POMT2: variants seen among roughly 807,000 people sequenced by gnomAD.
The protein encoded by POMT2 is protein O-mannosyl-transferase 2.
POMT2 carries 75 observed loss-of-function variants against 100.0 expected under a neutral mutation model. The ratio of observed to expected loss-of-function variants is 0.75; its 90% confidence interval spans 0.62 to 0.91. The LOEUF (loss-of-function observed/expected upper bound fraction) is 0.91. POMT2 is among the 40% of genes least tolerant of loss of function. POMT2 has a pLI of 0.00. For synonymous variants in POMT2, 378 were observed against 374.1 expected (o/e 1.01, Z -0.12); for missense variants, 940 against 955.1 (o/e 0.98, Z 0.21).
chr14:77,289,784 C>T (rs1462927717), intron 10 of POMT2, among the ~76,000 whole-genome samples: 1 of 152,158 alleles, frequency 6.6e-6, no homozygotes, highest in Non-Finnish European at 1.5e-5. Context: ...ATCTCAAAAT[C>T]AAGACCAATC....
chr14:77,299,699 T>G, intron 6 of POMT2, 138 bp from the exon 7 acceptor site: 1 of 673,016 alleles, frequency 1.5e-6, no homozygotes. Flanking sequence ...GAAGAATATG[T>G]GGAAACCCTA....
intron 1 of POMT2, among the ~76,000 whole-genome samples, chr14:77,317,445 G>A (rs1049190699): frequency 1.6e-4 from 25 of 152,162 alleles, no homozygotes; most frequent in South Asian, 1.5e-3. Context: ...TCTTTTTGTC[G>A]CAATGGCCAC....
intron 11 of POMT2, among the ~76,000 whole-genome samples, chr14:77,288,170 C>T (rs1267217477): frequency 3.3e-5 from 5 of 152,262 alleles, no homozygotes; most frequent in African/African-American, 1.2e-4. Context: ...GCTTCAGTGT[C>T]TCACTTATTT....
At chr14:77,302,643 G>C (rs144550284) in intron 5 of POMT2, among the ~76,000 whole-genome samples, 192 bp downstream of exon 5, 3 of 152,224 alleles carry the variant, frequency 2.0e-5, no homozygotes, top group African/African-American at 7.2e-5. Context: ...ATCACCTGTA[G>C]AAAACTTTTT....
intron 15 of POMT2, among the ~76,000 whole-genome samples, chr14:77,282,220 C>CT (rs1446940042): frequency 2.0e-5 from 3 of 152,234 alleles, no homozygotes; most frequent in African/African-American, 7.2e-5. Flanking sequence ...ACATTAAACT[C>CT]TGAGAAATCC....
At position 77,275,385 on chromosome 14, in the gene POMT2, C is replaced by T. The variant is rs973393774; in HGVS notation, c.*1991G>A. 6.6e-6 allele frequency: 1 copy of T among 152,292 alleles called. No individual in the cohort carries two copies. Among genetic ancestry groups the T allele is most frequent in the Admixed American group, 6.5e-5 (1 of 15,280 alleles). 9.4% of individuals were successfully genotyped at this position (152,292 alleles called of 1,614,324 possible). On this transcript the variant is annotated 3_prime_UTR_variant, in exon 21 of 21. Transcript: ENST00000261534. ...ATGGGTAGAGGCTGGCTGGGCTTCT[C>T]CTTCCTCACCCTCATGCAAGGTGGC... is the stretch of plus-strand genomic sequence containing the variant.
In POMT2 at chr14:77,320,789, A is replaced by T. The variant is rs1891867477; in HGVS notation, c.-108T>A. On this transcript the variant is annotated 5_prime_UTR_variant, in exon 1 of 21. The change creates a new upstream start codon in the 5' untranslated region. Transcript: ENST00000261534. ...AGCTCGGGGTACCCCGGGAAATGCA[A>T]CGCCCTTCACTGCAGCGGAGCGCGG... 7.5e-6 allele frequency: 11 copies of T among 1,466,212 alleles called. No homozygotes were observed. The highest frequency in any genetic ancestry group is 2.7e-5 in the South Asian group (2 of 73,110). 90.8% of individuals were successfully genotyped at this position (1,466,212 alleles called of 1,614,324 possible).
At chr14:77,318,735 AT>A (rs10643583) in intron 1 of POMT2, among the ~76,000 whole-genome samples, 10,262 of 140,054 alleles carry the variant, frequency 0.073, 668 homozygotes, top group African/African-American at 0.19. Flanking sequence ...ATGGTAGTTA[AT>A]TTTTTTTTTT....
chr14:77,278,317 G>A, intron 20 of POMT2, 77 bp downstream of exon 20: 2 of 1,196,292 alleles, frequency 1.7e-6, no homozygotes. Context: ...AGCACCGCAG[G>A]GGATTCTCGA....
rs773179548 is a variant in POMT2 at position 77,283,870 on chromosome 14, G to A, written c.1580C>T (p.Pro527Leu). The change falls in exon 15 of 21, where the codon CCA becomes CTA. Residue 527 changes from proline to leucine, a missense_variant. By Grantham distance (98) the Pro-to-Leu change is moderately conservative. Transcript: ENST00000261534. ...CTGTAGCACATCCAGGCTGATGTTTGGCACTAGGGGAAAAAAATGCAGGAG... is the reference window on the plus strand; with the variant it reads ...CTGTAGCACATCCAGGCTGATGTTTAGCACTAGGGGAAAAAAATGCAGGAG... ...NVEDHINPKL[P>L]NISLDVLQPS... 1.2e-6 allele frequency: 2 copies of A among 1,609,734 alleles called. No homozygotes were observed. Among genetic ancestry groups the A allele is most frequent in the South Asian group, 2.2e-5 (2 of 91,008 alleles).
chr14:77,300,855 G>A, intron 6 of POMT2: 2 of 536,054 alleles, frequency 3.7e-6, no homozygotes, highest in East Asian at 3.8e-5. Flanking sequence ...TAAAACAAAT[G>A]CAAAAAGAGA....
Position 77,312,008 on chromosome 14 carries a change from T to C in POMT2, c.274A>G (p.Met92Val). 1 of 1,613,952 alleles carries C rather than the reference T, an allele frequency of 6.2e-7. No individual in the cohort carries two copies. The highest frequency in any genetic ancestry group is 8.5e-7 in the Non-Finnish European group (1 of 1,179,948). The change falls in exon 2 of 21, where the codon ATG (methionine) becomes GTG (valine). Residue 92 changes from methionine to valine, a missense_variant. Physicochemically the swap from Met to Val is conservative, Grantham distance 21 (BLOSUM62 1). Transcript: ENST00000261534. ...GTACGGTTGATATAGTAACTTCCCA[T>C]TTTTCCAAAGTGAGTCTCATCCCAA... ...ICWDETHFGK[M>V]GSYYINRTFF...
intron 17 of POMT2, 33 bp from the exon 18 acceptor site, chr14:77,279,961 G>A (rs763635486): frequency 3.7e-6 from 6 of 1,614,028 alleles, no homozygotes; most frequent in East Asian, 2.2e-5. Flanking sequence ...AGATGAGAAC[G>A]CAGCCGCTCT....
rs267606971 is a variant in POMT2 at position 77,302,940 on chromosome 14, G to A, written c.551C>T (p.Thr184Met). The A allele has an allele frequency of 5.6e-6, 9 of 1,610,418 alleles. No individual in the cohort carries two copies. The highest frequency in any genetic ancestry group is 1.7e-5 in the Admixed American group (1 of 59,876). The change falls in exon 5 of 21, where the codon ACG becomes ATG. Residue 184 changes from threonine (T) to methionine (M), a missense_variant. Physicochemically the swap from Thr to Met is moderately conservative, Grantham distance 81. Transcript: ENST00000261534. ...GTACTGGGACAGAGTGAGGCATCCC[G>A]TGTCTGAAAAACATGAGCTCGCTGG... is the stretch of plus-strand genomic sequence containing the variant. ...LLTAALLTFD[T>M]GCLTLSQYIL...
chr14:77,291,963 G>A (rs1003769759), intron 9 of POMT2, among the ~76,000 whole-genome samples: 7 of 152,276 alleles, frequency 4.6e-5, no homozygotes, highest in Middle Eastern at 3.4e-3. Context: ...CTAGGAGGCA[G>A]AGGTTGCAGT....
In POMT2 at chr14:77,299,574, G is replaced by T; in HGVS notation, c.817-13C>A. 6.2e-7 allele frequency: 1 copy of T among 1,608,664 alleles called. No homozygotes were observed. Among genetic ancestry groups the T allele is most frequent in the Non-Finnish European group, 8.5e-7 (1 of 1,175,088 alleles). On this transcript the variant is annotated splice_polypyrimidine_tract_variant and intron_variant, in intron 6 of 20. Transcript: ENST00000261534. ...TTCCCACAGTCACCTGCAAACAGAG[G>T]CCAGCGTGGGGTGCTAGGCATGTGA...
At chr14:77,296,540 A>G (rs950859522) in intron 8 of POMT2, 4 of 480,622 alleles carry the variant, frequency 8.3e-6, no homozygotes, top group African/African-American at 5.8e-5. Context: ...GTGTAACAGC[A>G]AAAGACGAAA....
In POMT2 at chr14:77,286,804, G is replaced by A. The variant is rs1328987547; in HGVS notation, c.1272C>T (p.His424=). Reference sequence around the variant, plus strand: ...TCATGGGGGCCTCATGATAGTGACTGTGCAAGTTCCGGGAAGTTCTAGAAG... The same window carrying A: ...TCATGGGGGCCTCATGATAGTGACTATGCAAGTTCCGGGAAGTTCTAGAAG... ...LEHKETSRNL[H]SHYHEAPMTR... Residue 424 remains histidine, a synonymous_variant, in exon 12 of 21, where the codon CAC becomes CAT. Coordinates refer to ENST00000261534, the MANE Select transcript of POMT2 (RefSeq NM_013382.7). 7.4e-6 allele frequency: 12 copies of A among 1,614,198 alleles called. No individual in the cohort carries two copies. Among genetic ancestry groups the A allele is most frequent in the Admixed American group, 1.7e-5 (1 of 60,030 alleles).
At chr14:77,282,630 TC>T (rs373077956) in intron 15 of POMT2, among the ~76,000 whole-genome samples, 62 of 152,278 alleles carry the variant, frequency 4.1e-4, no homozygotes, top group African/African-American at 1.4e-3. Flanking sequence ...AGCTATGTCA[TC>T]AGGCCACAGT....
Sources: allele counts gnomAD v4.1 joint callset (sites outside exome capture counted in the v4.1 genomes callset), GRCh38; gene constraint gnomAD v4.1.1; transcripts MANE v1.5; gene names NCBI Gene and HGNC (gene_info 2026-07-23, HGNC 2026-07-21).